MSI1: variants seen among roughly 807,000 people sequenced by gnomAD.
MSI1 encodes musashi RNA binding protein 1.
MSI1 carries 15 observed loss-of-function variants against 54.4 expected under a neutral mutation model. The ratio of observed to expected loss-of-function variants is 0.28; its 90% CI spans 0.18 to 0.42. The LOEUF (loss-of-function observed/expected upper bound fraction) is 0.42, where lower values mean the gene tolerates loss of function less well. Among genes scored for constraint, MSI1 ranks in the 20% least tolerant of loss-of-function variants. The probability of loss-of-function intolerance (pLI) is 1.00; values close to 1 mark genes in which losing one functional copy is unlikely to be tolerated. For missense variants in MSI1, 304 were observed against 506.0 expected, an observed-to-expected ratio of 0.60 and a Z score of 3.83; for synonymous variants, 200 against 196.5, an observed-to-expected ratio of 1.02 and a Z score of -0.15.
rs750605202 is a variant in MSI1, at chr12:120,346,116, G to A, written c.1047+19C>T. 5.9e-6 allele frequency: 9 copies of A among 1,518,880 alleles called. No homozygotes were observed. Among genetic ancestry groups the A allele is most frequent in the East Asian group, 4.9e-5 (2 of 40,942 alleles). 94.1% of individuals were successfully genotyped at this position (1,518,880 alleles called of 1,614,324 possible). A position where few individuals can be genotyped will look rare whatever the true frequency, so the allele number is the denominator to read the frequency against. ...AGGTGTGGGGGGTGAGGTGGGGGCC[G>A]CTAGGCCTGGCCACTCACCCCAAGA... On this transcript the variant is annotated intron_variant, in intron 13 of 14. Transcript: ENST00000257552.
intron 8 of MSI1, 98 bp from the exon 9 acceptor site, chr12:120,357,117 T>C (rs1243043478): frequency 9.1e-7 from 1 of 1,096,388 alleles, no homozygotes; most frequent in Non-Finnish European, 1.4e-6. Context: ...TTAATTTCAC[T>C]GTCCAGCTGA....
chr12:120,346,931 A>G (rs1044338612), intron 12 of MSI1, among the ~76,000 whole-genome samples: 1 of 151,712 alleles, frequency 6.6e-6, no homozygotes, highest in African/African-American at 2.4e-5. Context: ...CCTGGAAGGC[A>G]GAGACCCTGT....
downstream of MSI1, among the ~76,000 whole-genome samples, chr12:120,340,098 T>A (rs1331713819): frequency 1.3e-5 from 2 of 151,158 alleles, no homozygotes; most frequent in African/African-American, 4.9e-5. Context: ...GCTTTTTTTT[T>A]TTTTCTTTGA....
intron 11 of MSI1, 131 bp from the exon 12 acceptor site, chr12:120,347,645 A>G (rs375970591): frequency 9.9e-7 from 1 of 1,014,388 alleles, no homozygotes; most frequent in East Asian, 2.4e-5. Context: ...CCCCAGGGTC[A>G]AGGCAGAAAA....
intron 4 of MSI1, among the ~76,000 whole-genome samples, chr12:120,367,663 C>G (rs1482876310): frequency 6.6e-6 from 1 of 152,066 alleles, no homozygotes; most frequent in East Asian, 1.9e-4. Context: ...GTCAGTGCTA[C>G]CCTGACTCAC....
intron 6 of MSI1, among the ~76,000 whole-genome samples, chr12:120,362,545 T>C (rs1875740564): frequency 6.6e-6 from 1 of 152,094 alleles, no homozygotes; most frequent in Admixed American, 6.5e-5. Context: ...TTCCCCCCAA[T>C]ACCCAGGGGA....
At chr12:120,365,450 T>A (rs1166360346) in intron 4 of MSI1, among the ~76,000 whole-genome samples, 2 of 152,142 alleles carry the variant, frequency 1.3e-5, no homozygotes, top group Non-Finnish European at 2.9e-5. Context: ...ACAAAAAAAA[T>A]GTAAGCCGTC....
chr12:120,353,833 T>G (rs369204215), intron 9 of MSI1, among the ~76,000 whole-genome samples: 1 of 152,234 alleles, frequency 6.6e-6, no homozygotes, highest in African/African-American at 2.4e-5. Context: ...TCTTTCCAGA[T>G]GACTACATGC....
chr12:120,368,238 C>T lies in MSI1; in HGVS notation c.136G>A (p.Val46Met). The T allele has an allele frequency of 6.3e-7, 1 of 1,587,318 alleles. No individual in the cohort carries two copies. The highest frequency in any genetic ancestry group is 8.6e-7 in the Non-Finnish European group (1 of 1,166,086). The change falls in exon 3 of 15, where the codon GTG (valine) becomes ATG (methionine). Residue 46 changes from valine (V) to methionine (M), a missense_variant. Transcript: ENST00000257552. This position sits in a 1 kb window ranked among gnomAD's most constrained non-coding sequence, Gnocchi z 6.6. The stretch of plus-strand genomic sequence containing the variant: ...TCCCGCATCACCAGACACTCCTTCA[C>T]CTCCCCGAACTGGCCGAAGTATTCG... ...LREYFGQFGE[V>M]KECLVMRDPL...
chr12:120,351,364 G>A lies in MSI1; in HGVS notation c.770C>T (p.Pro257Leu), dbSNP rs761717797. 1.9e-6 allele frequency: 3 copies of A among 1,611,864 alleles called. No homozygotes were observed. The highest frequency in any genetic ancestry group is 2.5e-6 in the Non-Finnish European group (3 of 1,179,320). Residue 257 changes from proline to leucine, a missense_variant, in exon 11 of 15, where the codon CCA becomes CTA. Physicochemically the swap from Pro to Leu is moderately conservative, Grantham distance 98. Transcript: ENST00000257552. Reference sequence around the variant, plus strand: ...CTGACCTGTAAGCTCGGGGAGGACTGGGGCGCTCGGGAGAGGGGTCCGCTC... The same window carrying A: ...CTGACCTGTAAGCTCGGGGAGGACTAGGGCGCTCGGGAGAGGGGTCCGCTC... Reference protein sequence around the residue: ...RVERTPLPSAPVLPELTAIPL... With the variant: ...RVERTPLPSALVLPELTAIPL...
chr12:120,342,062 C>G lies in MSI1; in HGVS notation c.*1065G>C, dbSNP rs1415455769. 3 of 151,806 alleles carry G rather than the reference C, an allele frequency of 2.0e-5. No homozygotes were observed. The highest frequency in any genetic ancestry group is 7.3e-5 in the African/African-American group (3 of 41,070). 9.4% of individuals were successfully genotyped at this position (151,806 alleles called of 1,614,324 possible). A position where few individuals can be genotyped will look rare whatever the true frequency, so the allele number is the denominator to read the frequency against. On this transcript the variant is annotated 3_prime_UTR_variant, in exon 15 of 15. Coordinates refer to ENST00000257552, the MANE Select transcript of MSI1 (RefSeq NM_002442.4). Reference sequence around the variant, plus strand: ...GACGCCCTTTGCTTTCCCCTGGGGTCTGCCCTCGCCAGAGCGTCCCCTGGT... The same window carrying G: ...GACGCCCTTTGCTTTCCCCTGGGGTGTGCCCTCGCCAGAGCGTCCCCTGGT...
intron 11 of MSI1, among the ~76,000 whole-genome samples, chr12:120,348,901 A>T (rs1025218005): frequency 6.6e-6 from 1 of 151,944 alleles, no homozygotes. Context: ...CTCAAAAAAA[A>T]TAAATAAATA....
chr12:120,356,136 G>A (rs11065092), intron 9 of MSI1, among the ~76,000 whole-genome samples: 1 of 152,176 alleles, frequency 6.6e-6, no homozygotes, highest in African/African-American at 2.4e-5. Context: ...GCCTCCCACA[G>A]CCTCCAGTCA....
At chr12:120,354,972 T>C (rs1874953954) in intron 9 of MSI1, among the ~76,000 whole-genome samples, 1 of 138,594 alleles carries the variant, frequency 7.2e-6, no homozygotes, top group South Asian at 2.2e-4. Flanking sequence ...GGTGAGAAGA[T>C]TGCTTGAGGC....
At chr12:120,353,414 T>C (rs2136936372) in intron 9 of MSI1, 35 bp from the exon 10 acceptor site, 2 of 1,593,056 alleles carry the variant, frequency 1.3e-6, no homozygotes, top group East Asian at 2.2e-5. Context: ...AGATGGCTCA[T>C]CCACAGGGCG....
chr12:120,348,771 T>C (rs1283007616), intron 11 of MSI1, among the ~76,000 whole-genome samples: 1 of 151,972 alleles, frequency 6.6e-6, no homozygotes. Context: ...TGCATGCCTG[T>C]AATCCCAGCT....
At chr12:120,363,510 C>T (rs902629148) in intron 5 of MSI1, among the ~76,000 whole-genome samples, 1 of 151,972 alleles carries the variant, frequency 6.6e-6, no homozygotes, top group Non-Finnish European at 1.5e-5. Flanking sequence ...CAGAGTCTCC[C>T]TGAACTCAGT....
chr12:120,360,328 C>A (rs1287493361), intron 6 of MSI1, among the ~76,000 whole-genome samples: 2 of 152,200 alleles, frequency 1.3e-5, no homozygotes, highest in Non-Finnish European at 2.9e-5. Context: ...TCATTAAACA[C>A]CCTGAACTAC....
At chr12:120,362,164 C>G (rs892579762) in intron 6 of MSI1, among the ~76,000 whole-genome samples, 1 of 152,012 alleles carries the variant, frequency 6.6e-6, no homozygotes, top group Non-Finnish European at 1.5e-5. Flanking sequence ...CACCTCCCCC[C>G]CCCACACAAT....
Sources: gnomAD v4.1 joint callset for allele counts (sites outside exome capture counted in the v4.1 genomes callset) on GRCh38, gnomAD v4.1.1 for gene constraint, Gnocchi (gnomAD v3.1) non-coding constraint, MANE v1.5 for transcripts, NCBI Gene and HGNC (gene_info 2026-07-23, HGNC 2026-07-21) for gene names.